PLEC: variants seen among roughly 807,000 people sequenced by gnomAD.
PLEC encodes the protein plectin.
A neutral mutation model predicts 392.8 loss-of-function variants in PLEC; 216 were observed. That is an observed-to-expected ratio of 0.55 (90% CI 0.49 to 0.62). The LOEUF (loss-of-function observed/expected upper bound fraction) is 0.62, where lower values mean the gene tolerates loss of function less well. Among genes scored for constraint, PLEC ranks in the 20% least tolerant of loss-of-function variants. The pLI, the probability that PLEC is intolerant of heterozygous loss-of-function variation, is 0.00. For synonymous variants in PLEC, 3,621 were observed against 2,980.6 expected (o/e 1.21, Z -7.00); for missense variants, 6,863 against 6,563.4 (o/e 1.05, Z -1.58).
At chr8:143,945,190 C>G (rs1554731470) in intron 1 of PLEC, 3 of 479,928 alleles carry the variant, frequency 6.3e-6, no homozygotes, top group South Asian at 4.7e-5. Flanking sequence ...GTGGCCGGGA[C>G]AGCCACCCCA....
chr8:143,945,254 C>A, intron 1 of PLEC: 1 of 479,370 alleles, frequency 2.1e-6, no homozygotes, highest in Non-Finnish European at 4.2e-6. Context: ...CTCAGGCCTG[C>A]GCCTGCCCCA....
rs6994460 is a variant in PLEC, at chr8:143,934,763, G to C, written c.946-33C>G. ...GGACGAGGCTGTCGGCAACCACGCCGGGCTCTCAGGGCAGGCCCAGGACCC... is the reference window on the plus strand; with the variant it reads ...GGACGAGGCTGTCGGCAACCACGCCCGGCTCTCAGGGCAGGCCCAGGACCC... On this transcript the variant is annotated intron_variant, in intron 9 of 31. Coordinates refer to ENST00000345136, the MANE Select transcript of PLEC (RefSeq NM_201384.3). 0.4 allele frequency: 645,551 copies of C among 1,611,652 alleles called. 133,682 individuals carry two copies. Among genetic ancestry groups the C allele is most frequent in the African/African-American group, 0.63 (47,136 of 74,982 alleles).
chr8:143,972,915 G>C (rs1247276370), intron 1 of PLEC, among the ~76,000 whole-genome samples: 2 of 152,188 alleles, frequency 1.3e-5, no homozygotes, highest in Non-Finnish European at 2.9e-5. Flanking sequence ...CAGAGAAGGG[G>C]TGTGGGGGGG....
chr8:143,929,172 C>T lies in PLEC; in HGVS notation c.3191G>A (p.Arg1064His), dbSNP rs571362398. 407 of 1,595,722 alleles carry T rather than the reference C, an allele frequency of 2.6e-4. 7 individuals are homozygous for T. The South Asian group carries it at 3.8e-3, about 15-fold the overall frequency. The change falls in exon 25 of 32, where the codon CGC (arginine) becomes CAC (histidine). Residue 1064 changes from arginine to histidine, a missense_variant. Arg to His is a conservative substitution (Grantham distance 29, BLOSUM62 0). Transcript: ENST00000345136. Reference protein sequence around the residue: ...PEPSPAAPTLRSELELTLGKL... With the variant: ...PEPSPAAPTLHSELELTLGKL... Reference sequence around the variant, plus strand: ...GCCCAGCGTCAGCTCCAGCTCCGAGCGCAGCGTGGGGGCCGCAGGCGATGG... The same window carrying T: ...GCCCAGCGTCAGCTCCAGCTCCGAGTGCAGCGTGGGGGCCGCAGGCGATGG...
Position 143,933,362 on chromosome 8 carries a change from G to A in PLEC, c.1264-11C>T, listed in dbSNP as rs782048207. ...CAGCAGCCGGACATCCTGCAAGGTCGTTGCCATGACTCGGAGCACAGCTGA... is the reference window on the plus strand; with the variant it reads ...CAGCAGCCGGACATCCTGCAAGGTCATTGCCATGACTCGGAGCACAGCTGA... On this transcript the variant is annotated splice_polypyrimidine_tract_variant and intron_variant, in intron 12 of 31. Transcript: ENST00000345136. 17 of 1,608,908 alleles carry A rather than the reference G, an allele frequency of 1.1e-5. 1 individual carries two copies. The highest frequency in any genetic ancestry group is 2.7e-5 in the African/African-American group (2 of 74,910).
At chr8:143,970,344 G>A (rs771449513) in intron 1 of PLEC, among the ~76,000 whole-genome samples, 1 of 151,910 alleles carries the variant, frequency 6.6e-6, no homozygotes, top group Non-Finnish European at 1.5e-5. Flanking sequence ...AAAGAAAAAC[G>A]GGGAGAGTCA....
intron 5 of PLEC, among the ~76,000 whole-genome samples, chr8:143,936,502 C>T (rs538041395): frequency 2.0e-5 from 3 of 152,310 alleles, no homozygotes; most frequent in East Asian, 1.9e-4. Flanking sequence ...CCTGGCTTTA[C>T]ACTCAGTGGC....
At chr8:143,972,037 C>T (rs1018082975) in intron 1 of PLEC, among the ~76,000 whole-genome samples, 15 of 152,178 alleles carry the variant, frequency 9.9e-5, no homozygotes, top group African/African-American at 1.7e-4. Context: ...CAGCACAATG[C>T]CCAGAACAGG....
At chr8:143,962,561 C>A (rs1354733222) in intron 1 of PLEC, among the ~76,000 whole-genome samples, 9 of 152,166 alleles carry the variant, frequency 5.9e-5, no homozygotes, top group Non-Finnish European at 1.2e-4. Flanking sequence ...GAAGCTGGGA[C>A]ATCTTGAGGC....
At chr8:143,927,812 G>T in intron 26 of PLEC, 42 bp downstream of exon 26, 4 of 1,579,094 alleles carry the variant, frequency 2.5e-6, no homozygotes, top group Non-Finnish European at 3.4e-6. Flanking sequence ...TGGGCCCGCT[G>T]TACCCCCACC....
In PLEC at chr8:143,926,879, C is replaced by T. The variant is rs375703682; in HGVS notation, c.3949G>A (p.Val1317Met). 13 of 1,612,784 alleles carry T rather than the reference C, an allele frequency of 8.1e-6. No homozygotes were observed. Among genetic ancestry groups the T allele is most frequent in the Admixed American group, 3.3e-5 (2 of 60,008 alleles). The change falls in exon 30 of 32, where the codon GTG becomes ATG. Residue 1317 changes from valine (V) to methionine (M), a missense_variant. Val to Met is a conservative substitution (Grantham distance 21). Transcript: ENST00000345136. ...TCGCTGTAGTGCGTACGCAGGTCCA[C>T]GTACTGTGGAGTAGAGCCAGGGTTA... ...SGSESVIQEY[V>M]DLRTHYSELT...
upstream of PLEC, chr8:143,973,539 G>A: frequency 8.7e-7 from 1 of 1,150,550 alleles, no homozygotes; most frequent in Non-Finnish European, 1.1e-6. This position sits in a 1 kb window ranked among gnomAD's most constrained non-coding sequence, Gnocchi z 5.6. Flanking sequence ...TGTCCCCGCG[G>A]CCGCGCGCGC....
chr8:143,950,858 A>G, exon 1 of PLEC: 1 of 1,434,330 alleles, frequency 7.0e-7, no homozygotes, highest in Non-Finnish European at 9.2e-7. Flanking sequence ...TGGGGTGCTG[A>G]GCGTGAGGGC....
At position 143,921,796 on chromosome 8, in the gene PLEC, G is replaced by C; in HGVS notation, c.8025C>G (p.Gly2675=). 2 of 1,610,200 alleles carry C rather than the reference G, an allele frequency of 1.2e-6. No individual in the cohort carries two copies. Among genetic ancestry groups the C allele is most frequent in the South Asian group, 1.1e-5 (1 of 91,048 alleles). ...GTGCGAGCTCGTCCACCGTGGTGTG[G>C]CCCTGCGCCAACCGCTGCAGCTCCT... ...SAEELQRLAQ[G]HTTVDELARR... The change falls in exon 32 of 32, where the codon GGC becomes GGG. Residue 2675 remains glycine, a synonymous_variant. Coordinates refer to ENST00000345136, the MANE Select transcript of PLEC (RefSeq NM_201384.3).
At chr8:143,926,664 CAGTGGGGAG>C (rs1184655651) in intron 30 of PLEC, 111 bp downstream of exon 30, 5 of 859,122 alleles carry the variant, frequency 5.8e-6, no homozygotes, top group Middle Eastern at 6.5e-4. Context: ...CTGGCAGCGC[CAGTGGGGAG>C]AGTGGGGAGG....
At position 143,917,896 on chromosome 8, in the gene PLEC, G is replaced by A. The variant is rs199796844; in HGVS notation, c.11925C>T (p.Tyr3975=). The change falls in exon 32 of 32, where the codon TAC becomes TAT. Residue 3975 remains tyrosine, a synonymous_variant. Coordinates refer to ENST00000345136, the MANE Select transcript of PLEC (RefSeq NM_201384.3). The part of the protein sequence containing the change: ...ELLEAQAATG[Y]VIDPIKGLKL... The stretch of plus-strand genomic sequence containing the variant: ...TCAGTCCCTTGATGGGGTCGATGAC[G>A]TAACCGGTGGCCGCCTGCGCCTCCA... 54 of 1,613,008 alleles carry A rather than the reference G, an allele frequency of 3.3e-5. No homozygotes were observed. The highest frequency in any genetic ancestry group is 3.3e-4 in the Middle Eastern group (2 of 6,062).
chr8:143,972,287 C>T (rs532267741), intron 1 of PLEC, among the ~76,000 whole-genome samples: 1 of 152,340 alleles, frequency 6.6e-6, no homozygotes, highest in East Asian at 1.9e-4. Context: ...ACAGGCTGCC[C>T]GCTCCAGGCC....
At chr8:143,948,365 A>G (rs1427470389) in intron 1 of PLEC, among the ~76,000 whole-genome samples, 1 of 151,298 alleles carries the variant, frequency 6.6e-6, no homozygotes, top group Non-Finnish European at 1.5e-5. Context: ...TCACTTAAAA[A>G]CTCCAAGAAG....
At chr8:143,964,881 A>G (rs1391102651) in intron 1 of PLEC, among the ~76,000 whole-genome samples, 1 of 152,178 alleles carries the variant, frequency 6.6e-6, no homozygotes, top group East Asian at 1.9e-4. Flanking sequence ...TGAAAAACAG[A>G]GCAGAATAAA....
Sources: allele counts gnomAD v4.1 joint callset (sites outside exome capture counted in the v4.1 genomes callset), GRCh38; gene constraint gnomAD v4.1.1; non-coding constraint Gnocchi (gnomAD v3.1); transcripts MANE v1.5; gene names NCBI Gene and HGNC (gene_info 2026-07-23, HGNC 2026-07-21).